SLC12A8: variants seen among roughly 807,000 people sequenced by gnomAD.
The protein encoded by SLC12A8 is solute carrier family 12 member 8, also known as cation-chloride cotransporter 9.
A neutral mutation model predicts 75.6 loss-of-function variants in SLC12A8; 69 were observed. The ratio of observed to expected loss-of-function variants is 0.91; its 90% CI spans 0.75 to 1.11. SLC12A8 has a LOEUF of 1.11. Among genes scored for constraint, SLC12A8 ranks in the 50% most tolerant of loss-of-function variants. The pLI is 0.00. For synonymous variants in SLC12A8, 365 were observed against 372.8 expected (o/e 0.98, Z 0.24); for missense variants, 877 against 896.7 (o/e 0.98, Z 0.28).
intron 2 of SLC12A8, among the ~76,000 whole-genome samples, chr3:125,202,113 G>C (rs1935133890): frequency 6.6e-6 from 1 of 152,080 alleles, no homozygotes; most frequent in Non-Finnish European, 1.5e-5. Flanking sequence ...TTTCACCATG[G>C]TGGCCAGGCT....
intron 5 of SLC12A8, among the ~76,000 whole-genome samples, chr3:125,175,906 C>T (rs942250302): frequency 4.6e-5 from 7 of 152,168 alleles, no homozygotes; most frequent in East Asian, 1.9e-4. Context: ...GGTGCCGGAT[C>T]GTTGGGGCAT....
chr3:125,160,700 C>T (rs1024355346), intron 5 of SLC12A8, among the ~76,000 whole-genome samples: 1 of 152,206 alleles, frequency 6.6e-6, no homozygotes, highest in African/African-American at 2.4e-5. Context: ...ACTTAGCCTG[C>T]TGGTGGGCTG....
In SLC12A8 at chr3:125,211,359, AG is replaced by A. The variant is rs1345285826; in HGVS notation, c.-11del. The A allele has an allele frequency of 6.2e-7, 1 of 1,613,346 alleles. No individual in the cohort carries two copies. The highest frequency in any genetic ancestry group is 2.2e-5 in the East Asian group (1 of 44,876). ...GGGACATCTGGGTCATTCTCCAGCA[AG>A]CAGGGATCCTGGTGATCTGGACAGG... On this transcript the variant is annotated 5_prime_UTR_variant, in exon 2 of 14. Transcript: ENST00000469902.
intron 6 of SLC12A8, among the ~76,000 whole-genome samples, chr3:125,122,802 C>G (rs1292335982): frequency 1.3e-5 from 2 of 152,044 alleles, no homozygotes; most frequent in African/African-American, 4.8e-5. Context: ...AACAAATAAA[C>G]AAATACACGC....
chr3:125,139,560 C>T (rs533305340), intron 5 of SLC12A8, among the ~76,000 whole-genome samples: 17 of 152,310 alleles, frequency 1.1e-4, no homozygotes, highest in African/African-American at 3.8e-4. Context: ...TGGTCCCCAT[C>T]CTGCCTGCTG....
At chr3:125,183,717 C>T (rs1934711513) in intron 4 of SLC12A8, among the ~76,000 whole-genome samples, 1 of 152,146 alleles carries the variant, frequency 6.6e-6, no homozygotes, top group African/African-American at 2.4e-5. Flanking sequence ...GAACGTTCTT[C>T]CACGTGTCAG....
At chr3:125,154,732 TA>T (rs1934008186) in intron 5 of SLC12A8, 1 of 152,110 alleles carries the variant, frequency 6.6e-6, no homozygotes, top group African/African-American at 2.4e-5. Flanking sequence ...CCACAATAAT[TA>T]ATAATAAAAT....
intron 10 of SLC12A8, among the ~76,000 whole-genome samples, chr3:125,099,783 C>T (rs1938818840): frequency 2.0e-5 from 3 of 152,042 alleles, no homozygotes; most frequent in Admixed American, 2.0e-4. Flanking sequence ...AAAAAATTAG[C>T]TGAGCATGGT....
At chr3:125,187,084 C>G (rs918233564) in intron 4 of SLC12A8, among the ~76,000 whole-genome samples, 153 bp downstream of exon 4, 88 of 152,216 alleles carry the variant, frequency 5.8e-4, no homozygotes, top group African/African-American at 1.9e-3. Context: ...TGACTTGACT[C>G]TCTGCTGAAT....
intron 5 of SLC12A8, among the ~76,000 whole-genome samples, chr3:125,147,986 T>C (rs984290222): frequency 1.3e-5 from 2 of 152,232 alleles, no homozygotes; most frequent in African/African-American, 4.8e-5. Flanking sequence ...TCTTATTTTA[T>C]GCTTTGGCAA....
At chr3:125,105,804 T>A (rs1227544855) in intron 10 of SLC12A8, among the ~76,000 whole-genome samples, 1 of 151,948 alleles carries the variant, frequency 6.6e-6, no homozygotes, top group Non-Finnish European at 1.5e-5. Context: ...CTGAGGTGGG[T>A]AGATCACTTG....
chr3:125,161,653 G>C (rs934625111), intron 5 of SLC12A8, among the ~76,000 whole-genome samples: 3 of 150,348 alleles, frequency 2.0e-5, no homozygotes, highest in Non-Finnish European at 4.4e-5. Context: ...TGTGGACACA[G>C]GTAATATGAA....
chr3:125,170,485 A>G (rs1934384121), intron 5 of SLC12A8, among the ~76,000 whole-genome samples: 1 of 152,252 alleles, frequency 6.6e-6, no homozygotes, highest in South Asian at 2.1e-4. Context: ...ATGTACTGAC[A>G]TTGAAGGATA....
chr3:125,106,772 A>G (rs915103805), intron 10 of SLC12A8, among the ~76,000 whole-genome samples: 11 of 152,208 alleles, frequency 7.2e-5, no homozygotes, highest in Non-Finnish European at 1.6e-4. Context: ...CCTCAAATAC[A>G]GACAATACAA....
At chr3:125,185,853 T>C (rs1934770212) in intron 4 of SLC12A8, among the ~76,000 whole-genome samples, 1 of 152,250 alleles carries the variant, frequency 6.6e-6, no homozygotes, top group Admixed American at 6.5e-5. Flanking sequence ...ACTCTAATGT[T>C]TGGGACCAGG....
intron 5 of SLC12A8, among the ~76,000 whole-genome samples, chr3:125,157,609 C>T (rs1456844275): frequency 1.3e-5 from 2 of 152,234 alleles, no homozygotes; most frequent in Non-Finnish European, 2.9e-5. Context: ...CTCCAGCACA[C>T]CTACCTTCCT....
intron 4 of SLC12A8, 86 bp downstream of exon 4, chr3:125,187,151 G>A (rs866436806): frequency 7.1e-5 from 98 of 1,384,924 alleles, no homozygotes; most frequent in Admixed American, 1.4e-4. Flanking sequence ...CCCCACCCTC[G>A]CTTCTCCCCA....
At chr3:125,178,028 T>C (rs1336584470) in intron 4 of SLC12A8, 54 bp from the exon 5 acceptor site, 6 of 1,453,242 alleles carry the variant, frequency 4.1e-6, no homozygotes, top group East Asian at 2.3e-5. Context: ...CATGGGCCCA[T>C]GGGCAGAACC....
At chr3:125,158,685 C>T (rs959567250) in intron 5 of SLC12A8, among the ~76,000 whole-genome samples, 1 of 152,110 alleles carries the variant, frequency 6.6e-6, no homozygotes, top group Non-Finnish European at 1.5e-5. Flanking sequence ...TTTGCAAATC[C>T]TCAAAAGTCA....
Sources: gnomAD v4.1 joint callset for allele counts (sites outside exome capture counted in the v4.1 genomes callset) on GRCh38, gnomAD v4.1.1 for gene constraint, MANE v1.5 for transcripts, NCBI Gene and HGNC (gene_info 2026-07-23, HGNC 2026-07-21) for gene names.